SGCZ: variants seen among roughly 807,000 people sequenced by gnomAD.
The protein encoded by SGCZ is zeta-sarcoglycan.
SGCZ carries 40 observed loss-of-function variants against 41.3 expected under a neutral mutation model. That is an observed-to-expected ratio of 0.97 (90% confidence interval 0.75 to 1.26). SGCZ has a LOEUF of 1.26. Ranked by LOEUF, SGCZ falls within the 50% of genes most tolerant of loss-of-function variation. The pLI, the probability that SGCZ is intolerant of heterozygous loss-of-function variation, is 0.00. For missense variants in SGCZ, 552 were observed against 369.8 expected, an observed-to-expected ratio of 1.49 and a Z score of -4.04; for synonymous variants, 206 against 137.5, an observed-to-expected ratio of 1.50 and a Z score of -3.49.
chr8:14,109,993 T>C (rs1802324996), intron 5 of SGCZ, among the ~76,000 whole-genome samples: 1 of 152,184 alleles, frequency 6.6e-6, no homozygotes, highest in East Asian at 1.9e-4. Context: ...GTAGGACATA[T>C]GGTCCTTGTT....
intron 4 of SGCZ, among the ~76,000 whole-genome samples, chr8:14,183,489 A>T (rs1165295082): frequency 1.3e-5 from 2 of 152,166 alleles, no homozygotes; most frequent in Non-Finnish European, 2.9e-5. Context: ...TAAAATAAAA[A>T]TCCTATGCAC....
chr8:14,110,656 C>T (rs1802344136), intron 5 of SGCZ, among the ~76,000 whole-genome samples: 1 of 151,970 alleles, frequency 6.6e-6, no homozygotes, highest in Non-Finnish European at 1.5e-5. Context: ...CCTGAATGAG[C>T]CAAAGGTACA....
chr8:14,926,071 A>G (rs1799739690), intron 1 of SGCZ, among the ~76,000 whole-genome samples: 1 of 152,246 alleles, frequency 6.6e-6, no homozygotes, highest in Non-Finnish European at 1.5e-5. Flanking sequence ...GGAAAAAGAT[A>G]AATCAGGATT....
At chr8:15,138,288 C>T (rs2116989919) in intron 1 of SGCZ, among the ~76,000 whole-genome samples, 1 of 152,170 alleles carries the variant, frequency 6.6e-6, no homozygotes, top group African/African-American at 2.4e-5. Context: ...GGCTCATAAG[C>T]AAAAGGGACT....
intron 1 of SGCZ, among the ~76,000 whole-genome samples, chr8:14,717,996 G>C (rs1345253575): frequency 2.1e-5 from 3 of 144,920 alleles, no homozygotes; most frequent in Non-Finnish European, 4.5e-5. Context: ...TCTAAAATAA[G>C]ATATATATAT....
chr8:15,050,044 G>C (rs892886564), intron 1 of SGCZ, among the ~76,000 whole-genome samples: 1 of 152,084 alleles, frequency 6.6e-6, no homozygotes, highest in Non-Finnish European at 1.5e-5. Flanking sequence ...GTCAATAGTT[G>C]GGACTTTGGT....
At chr8:14,476,384 A>G (rs1199608875) in intron 2 of SGCZ, among the ~76,000 whole-genome samples, 1 of 152,040 alleles carries the variant, frequency 6.6e-6, no homozygotes, top group African/African-American at 2.4e-5. Context: ...TCCCATCATA[A>G]ATCTTTCCTT....
intron 4 of SGCZ, among the ~76,000 whole-genome samples, chr8:14,232,146 T>TATAC (rs1554483553): frequency 6.6e-6 from 1 of 150,990 alleles, no homozygotes; most frequent in Non-Finnish European, 1.5e-5. Flanking sequence ...CATATATATA[T>TATAC]ACATATATAT....
At chr8:15,170,952 G>T (rs77361440) in intron 1 of SGCZ, among the ~76,000 whole-genome samples, 1 of 152,080 alleles carries the variant, frequency 6.6e-6, no homozygotes, top group Non-Finnish European at 1.5e-5. Flanking sequence ...TAGATGATTT[G>T]GTAGCTGTGT....
chr8:14,560,341 T>C (rs1257023751), intron 1 of SGCZ, among the ~76,000 whole-genome samples: 1 of 151,850 alleles, frequency 6.6e-6, no homozygotes, highest in Non-Finnish European at 1.5e-5. Flanking sequence ...ACAACATATA[T>C]ATATATGTAT....
intron 2 of SGCZ, among the ~76,000 whole-genome samples, chr8:14,442,223 G>A (rs906081016): frequency 6.6e-6 from 1 of 152,148 alleles, no homozygotes; most frequent in Non-Finnish European, 1.5e-5. Context: ...GGTACCTGGT[G>A]GCAGGTAATT....
At chr8:14,579,556 A>G (rs1804818536) in intron 1 of SGCZ, among the ~76,000 whole-genome samples, 1 of 152,216 alleles carries the variant, frequency 6.6e-6, no homozygotes, top group South Asian at 2.1e-4. Context: ...GGGAAATTTT[A>G]TACAAATATG....
intron 1 of SGCZ, among the ~76,000 whole-genome samples, chr8:15,206,280 A>G (rs1801059762): frequency 1.3e-5 from 2 of 152,174 alleles, no homozygotes; most frequent in African/African-American, 4.8e-5. Flanking sequence ...AATGAGATCC[A>G]TATTACAGGC....
rs1474618546 is a variant in SGCZ at position 14,551,513 on chromosome 8, AT to A, written c.234+3218del. Among the ~76,000 whole-genome samples the A allele has an allele frequency of 1.0e-3, 11 of 10,732 alleles. 1 individual carries two copies. Among genetic ancestry groups the A allele is most frequent in the African/African-American group, 4.3e-3 (11 of 2,554 alleles). 7.0% of individuals were successfully genotyped at this position (10,732 alleles called of 152,430 possible). A position where few individuals can be genotyped will look rare whatever the true frequency, so the allele number is the denominator to read the frequency against. On this transcript the variant is annotated intron_variant, in intron 2 of 7. Transcript: ENST00000382080. ...ATTATATATATTATATATATTATAT[AT>A]ATTATATATAATATATATAATATAT...
chr8:14,490,446 TAA>T (rs1801811109), intron 2 of SGCZ, among the ~76,000 whole-genome samples: 1 of 152,192 alleles, frequency 6.6e-6, no homozygotes. Flanking sequence ...TTGAGTATGA[TAA>T]GTGTTTCAAA....
intron 2 of SGCZ, among the ~76,000 whole-genome samples, chr8:14,401,280 T>C (rs1467058191): frequency 1.4e-5 from 2 of 143,244 alleles, no homozygotes; most frequent in African/African-American, 4.9e-5. Context: ...TTATTTTTAT[T>C]TATTTTTTTT....
intron 1 of SGCZ, among the ~76,000 whole-genome samples, chr8:15,049,113 C>T (rs891891428): frequency 2.0e-5 from 3 of 152,036 alleles, no homozygotes; most frequent in Non-Finnish European, 4.4e-5. Flanking sequence ...GAGCCACAAT[C>T]GTGAATATAA....
At chr8:14,126,859 T>A (rs1802876633) in intron 5 of SGCZ, among the ~76,000 whole-genome samples, 1 of 152,062 alleles carries the variant, frequency 6.6e-6, no homozygotes, top group Admixed American at 6.6e-5. Flanking sequence ...CTGTAAGCCA[T>A]CATCCTCAGC....
chr8:14,398,995 G>T (rs964831975), intron 2 of SGCZ, among the ~76,000 whole-genome samples: 1 of 151,966 alleles, frequency 6.6e-6, no homozygotes, highest in Non-Finnish European at 1.5e-5. Context: ...AACCTTACTT[G>T]AAATTATTAA....
Sources: allele counts gnomAD v4.1 joint callset (sites outside exome capture counted in the v4.1 genomes callset), GRCh38; gene constraint gnomAD v4.1.1; transcripts MANE v1.5; gene names NCBI Gene and HGNC (gene_info 2026-07-23, HGNC 2026-07-21).